The following PBX4 variants were observed in gnomAD, a reference collection of about 807,000 sequenced individuals.
The protein encoded by PBX4 is PBX homeobox 4.
A neutral mutation model predicts 35.1 loss-of-function variants in PBX4; 26 were observed. That is an observed-to-expected ratio of 0.74 (90% confidence interval 0.54 to 1.03). PBX4 has a LOEUF of 1.03. PBX4 is among the 50% of genes least tolerant of loss of function. The pLI is 0.00. For missense variants in PBX4, 448 were observed against 504.3 expected (o/e 0.89, Z 1.07); for synonymous variants, 199 against 204.2 (o/e 0.97, Z 0.22).
intron 1 of PBX4, 50 bp downstream of exon 1, chr19:19,618,461 A>C: frequency 1.5e-6 from 2 of 1,366,210 alleles, no homozygotes; most frequent in Non-Finnish European, 1.9e-6. Flanking sequence ...CAGCCCGCCA[A>C]CCTCACTGCC....
At chr19:19,583,870 G>T (rs1457029976) in intron 2 of PBX4, among the ~76,000 whole-genome samples, 1 of 152,136 alleles carries the variant, frequency 6.6e-6, no homozygotes. Context: ...AGGAGTTGGA[G>T]ACCAGCCTGA....
chr19:19,603,118 G>A (rs1197090456), intron 1 of PBX4, among the ~76,000 whole-genome samples: 1 of 151,978 alleles, frequency 6.6e-6, no homozygotes, highest in Non-Finnish European at 1.5e-5. Flanking sequence ...CTCCACTGTC[G>A]CCCACTGACC....
intron 2 of PBX4, among the ~76,000 whole-genome samples, chr19:19,573,162 G>A (rs755447288): frequency 5.9e-5 from 9 of 151,594 alleles, no homozygotes; most frequent in African/African-American, 1.2e-4. Flanking sequence ...AAAATTAGCC[G>A]GGCATGATGG....
chr19:19,563,801 C>T lies in PBX4; in HGVS notation c.926-186G>A, dbSNP rs1243512930. The T allele has an allele frequency of 1.8e-6, 1 of 568,830 alleles. No individual in the cohort carries two copies. The highest frequency in any genetic ancestry group is 3.1e-5 in the East Asian group (1 of 32,556). The allele number at this position is 568,830 out of a possible 1,614,324, so 35.2% of individuals were successfully genotyped here. A position where few individuals can be genotyped will look rare whatever the true frequency, so the allele number is the denominator to read the frequency against. On this transcript the variant is annotated intron_variant, in intron 6 of 7. Transcript: ENST00000251203. This position sits in a 1 kb window ranked among gnomAD's most constrained non-coding sequence, Gnocchi z 5.1. ...CCCCACCACACTACTCATGTCCCCT[C>T]ATGGCTTGTCTTTTTTTTTTCTTTT...
chr19:19,572,550 T>C (rs2061390625), intron 2 of PBX4, among the ~76,000 whole-genome samples: 1 of 150,198 alleles, frequency 6.7e-6, no homozygotes, highest in Non-Finnish European at 1.5e-5. Flanking sequence ...AGCGATATCC[T>C]TGTAAGAATT....
intron 1 of PBX4, among the ~76,000 whole-genome samples, chr19:19,602,733 T>C (rs926083620): frequency 7.8e-6 from 1 of 128,346 alleles, no homozygotes; most frequent in Non-Finnish European, 1.7e-5. Context: ...GGACTATTAA[T>C]TATGTTTTTT....
chr19:19,562,898 C>T lies in PBX4; in HGVS notation c.1032+611G>A, dbSNP rs1397204091. Among the ~76,000 whole-genome samples the T allele has an allele frequency of 1.2e-4, 19 of 152,304 alleles. No homozygotes were observed. Among genetic ancestry groups the T allele is most frequent in the Admixed American group, 1.1e-3 (17 of 15,308 alleles). ...ACAGCAGGACAGTGTGGGACGTGTGCTTCCCAGGACCAGGTGGGACCCCAC... is the reference window on the plus strand; with the variant it reads ...ACAGCAGGACAGTGTGGGACGTGTGTTTCCCAGGACCAGGTGGGACCCCAC... On this transcript the variant is annotated intron_variant, in intron 7 of 7. Transcript: ENST00000251203. This position sits in a 1 kb window ranked among gnomAD's most constrained non-coding sequence, Gnocchi z 4.8.
intron 5 of PBX4, among the ~76,000 whole-genome samples, chr19:19,569,136 G>A (rs1294892717): frequency 6.6e-6 from 1 of 152,076 alleles, no homozygotes; most frequent in Non-Finnish European, 1.5e-5. Flanking sequence ...ATAGCTCACT[G>A]CAGCCTCACC....
chr19:19,603,951 CAAA>C (rs575405663), intron 1 of PBX4, among the ~76,000 whole-genome samples: 9 of 95,656 alleles, frequency 9.4e-5, no homozygotes, highest in Admixed American at 1.1e-4. Flanking sequence ...GACTCCATCT[CAAA>C]AAAAAAAAAA....
rs1489581330 is a variant in PBX4, at chr19:19,618,505, C to T, written c.119+6G>A. On this transcript the variant is annotated splice_donor_region_variant and intron_variant, in intron 1 of 7. Coordinates refer to ENST00000251203, the MANE Select transcript of PBX4 (RefSeq NM_025245.3). ...GCGTGGCCCCTGCCGAGCCCGCGGGCAGCACCTGGCCTGTGCCTCGTCCAG... is the reference window on the plus strand; with the variant it reads ...GCGTGGCCCCTGCCGAGCCCGCGGGTAGCACCTGGCCTGTGCCTCGTCCAG... 1.4e-6 allele frequency: 2 copies of T among 1,477,596 alleles called. No individual in the cohort carries two copies. The allele number at this position is 1,477,596 out of a possible 1,614,324, so 91.5% of individuals were successfully genotyped here. A position where few individuals can be genotyped will look rare whatever the true frequency, so the allele number is the denominator to read the frequency against.
At chr19:19,610,431 T>TA (rs1251646201) in intron 1 of PBX4, among the ~76,000 whole-genome samples, 2 of 149,640 alleles carry the variant, frequency 1.3e-5, no homozygotes, top group South Asian at 2.1e-4. Flanking sequence ...ATAAAAAATT[T>TA]AAAAAACTTA....
At chr19:19,597,145 G>A (rs1599370869) in intron 2 of PBX4, among the ~76,000 whole-genome samples, 2 of 152,180 alleles carry the variant, frequency 1.3e-5, no homozygotes, top group Non-Finnish European at 1.5e-5. Context: ...CCTGGAAGGC[G>A]GAGATTGCAG....
chr19:19,596,226 T>TA (rs1378198177), intron 2 of PBX4, among the ~76,000 whole-genome samples: 2 of 151,956 alleles, frequency 1.3e-5, no homozygotes, highest in Non-Finnish European at 2.9e-5. Flanking sequence ...ACCCTGTCTC[T>TA]ACTAAAAATA....
chr19:19,583,808 G>A (rs900858688), intron 2 of PBX4, among the ~76,000 whole-genome samples: 4 of 151,308 alleles, frequency 2.6e-5, no homozygotes, highest in African/African-American at 7.3e-5. Context: ...AAAAGCTCAC[G>A]CCTGTAAACC....
At chr19:19,600,855 T>C (rs2061593453) in intron 1 of PBX4, among the ~76,000 whole-genome samples, 1 of 150,824 alleles carries the variant, frequency 6.6e-6, no homozygotes, top group Admixed American at 6.6e-5. Flanking sequence ...AAAAGAACTA[T>C]GAAATATCAA....
chr19:19,582,643 G>A (rs1049153663), intron 2 of PBX4, among the ~76,000 whole-genome samples: 1 of 152,116 alleles, frequency 6.6e-6, no homozygotes, highest in Middle Eastern at 3.2e-3. Context: ...GATTTTTCCA[G>A]TACACTAAGG....
chr19:19,569,557 C>G lies in PBX4; in HGVS notation c.660G>C (p.Gln220His). The change falls in exon 5 of 8, where the codon CAG (glutamine) becomes CAC (histidine). Residue 220 changes from glutamine to histidine, a missense_variant. Transcript: ENST00000251203. ...ARRKRRNFSK[Q>H]ATEVLNEYFY... is the part of the protein sequence containing the mutation. ...AATACTCATTCAGCACTTCCGTCGC[C>G]TGCTTGCTGAAATTCCGCCGCTTGC... 1 of 1,613,714 alleles carries G rather than the reference C, an allele frequency of 6.2e-7. No homozygotes were observed. Among genetic ancestry groups the G allele is most frequent in the Non-Finnish European group, 8.5e-7 (1 of 1,179,808 alleles).
At chr19:19,583,281 AAAAACAAAACAAAAC>A (rs201678612) in intron 2 of PBX4, among the ~76,000 whole-genome samples, 17 of 151,140 alleles carry the variant, frequency 1.1e-4, no homozygotes, top group Middle Eastern at 3.4e-3. Flanking sequence ...TCCGTCTCAA[AAAAACAAAACAAAAC>A]AAAACAAAAC....
chr19:19,580,533 G>A (rs2061447439), intron 2 of PBX4, among the ~76,000 whole-genome samples: 2 of 152,178 alleles, frequency 1.3e-5, no homozygotes, highest in African/African-American at 4.8e-5. Context: ...TTTTCAGAAG[G>A]AGAGCTCAAC....
Sources: allele counts gnomAD v4.1 joint callset (sites outside exome capture counted in the v4.1 genomes callset), GRCh38; gene constraint gnomAD v4.1.1; non-coding constraint Gnocchi (gnomAD v3.1); transcripts MANE v1.5; gene names NCBI Gene and HGNC (gene_info 2026-07-23, HGNC 2026-07-21).